Variants in LNP1 observed in about 807,000 individuals in gnomAD.
The protein encoded by LNP1 is leukemia NUP98 fusion partner 1.
Under a neutral mutation model 14.5 loss-of-function variants are expected in LNP1, and 12 were observed. The ratio of observed to expected loss-of-function variants is 0.83; its 90% CI spans 0.53 to 1.34. The LOEUF (loss-of-function observed/expected upper bound fraction) is 1.34. Among genes scored for constraint, LNP1 ranks in the 40% most tolerant of loss-of-function variants. The pLI, the probability that LNP1 is intolerant of heterozygous loss-of-function variation, is 0.00. For missense variants in LNP1, 198 were observed against 210.9 expected, an observed-to-expected ratio of 0.94 and a Z score of 0.38; for synonymous variants, 75 against 71.4, an observed-to-expected ratio of 1.05 and a Z score of -0.26.
At chr3:100,428,777 A>G (rs1310777667) in intron 1 of LNP1, among the ~76,000 whole-genome samples, 1 of 152,224 alleles carries the variant, frequency 6.6e-6, no homozygotes, top group Non-Finnish European at 1.5e-5. Context: ...TGTTGATGCA[A>G]TGCAATACTA....
At chr3:100,411,063 A>G (rs1707027295) in intron 1 of LNP1, among the ~76,000 whole-genome samples, 1 of 152,206 alleles carries the variant, frequency 6.6e-6, no homozygotes, top group Admixed American at 6.5e-5. Flanking sequence ...TGTGAGAATG[A>G]TACTACCACC....
chr3:100,451,314 G>T (rs114443200), intron 2 of LNP1, among the ~76,000 whole-genome samples: 160 of 152,292 alleles, frequency 1.1e-3, no homozygotes, highest in African/African-American at 3.4e-3. Flanking sequence ...ACATTGGTTC[G>T]ATTTGAAAAG....
intron 1 of LNP1, among the ~76,000 whole-genome samples, chr3:100,407,799 C>T (rs1192489428): frequency 6.6e-6 from 1 of 151,944 alleles, no homozygotes; most frequent in Non-Finnish European, 1.5e-5. Flanking sequence ...TTTTTCCTTT[C>T]TTCTCCTCTG....
intron 2 of LNP1, among the ~76,000 whole-genome samples, chr3:100,431,717 G>A (rs1361610979): frequency 6.6e-6 from 1 of 151,110 alleles, no homozygotes; most frequent in Non-Finnish European, 1.5e-5. Context: ...TTTTGGCGTG[G>A]TGCCATGGTT....
chr3:100,410,672 G>A (rs1707024052), intron 1 of LNP1, among the ~76,000 whole-genome samples: 1 of 152,146 alleles, frequency 6.6e-6, no homozygotes, highest in Non-Finnish European at 1.5e-5. Context: ...GAATAGAGAT[G>A]GGATTTTACC....
intron 3 of LNP1, among the ~76,000 whole-genome samples, chr3:100,454,933 G>A (rs565588150): frequency 3.9e-5 from 6 of 152,134 alleles, no homozygotes; most frequent in Non-Finnish European, 7.3e-5. Flanking sequence ...AAACAGGAGA[G>A]GAGTAATGAT....
intron 1 of LNP1, among the ~76,000 whole-genome samples, chr3:100,409,956 C>CATCTATCTATCTATCTATCTATCT (rs71625560): frequency 6.7e-6 from 1 of 149,406 alleles, no homozygotes; most frequent in African/African-American, 2.5e-5. Context: ...ACATAGCTTA[C>CATCTATCTATCTATCTATCTATCT]ATCTATCTAT....
chr3:100,414,404 G>T (rs568429735), intron 1 of LNP1, among the ~76,000 whole-genome samples: 59 of 152,138 alleles, frequency 3.9e-4, no homozygotes, highest in African/African-American at 1.3e-3. Context: ...AAAATTAGCT[G>T]GGCATGGTGG....
chr3:100,415,387 C>G (rs1707072809), intron 1 of LNP1, among the ~76,000 whole-genome samples: 1 of 152,134 alleles, frequency 6.6e-6, no homozygotes, highest in African/African-American at 2.4e-5. Context: ...TGAAAACATC[C>G]TTAATCTCAC....
Position 100,455,950 on chromosome 3 carries a change from T to G in LNP1, c.*24T>G, listed in dbSNP as rs1166832353. 3 of 1,589,536 alleles carry G rather than the reference T, an allele frequency of 1.9e-6. No individual in the cohort carries two copies. Among genetic ancestry groups the G allele is most frequent in the Non-Finnish European group, 2.6e-6 (3 of 1,171,522 alleles). Reference sequence around the variant, plus strand: ...AATACTCTGCTTCTGCCTCATGACATCAGATGCTACTGTTTTGGTTTTTTT... The same window carrying G: ...AATACTCTGCTTCTGCCTCATGACAGCAGATGCTACTGTTTTGGTTTTTTT... On this transcript the variant is annotated 3_prime_UTR_variant, in exon 4 of 4. Transcript: ENST00000383693.
chr3:100,456,131 A>T lies in LNP1; in HGVS notation c.*205A>T. The T allele has an allele frequency of 2.0e-6, 1 of 499,704 alleles. No individual in the cohort carries two copies. Among genetic ancestry groups the T allele is most frequent in the Non-Finnish European group, 3.6e-6 (1 of 280,362 alleles). The allele number at this position is 499,704 out of a possible 1,614,324, so 31.0% of individuals were successfully genotyped here. ...GCATCATACCCCAATTACTGCTGGC[A>T]TCTTAGTTGAGAGTATAATCTGCTT... On this transcript the variant is annotated 3_prime_UTR_variant, in exon 4 of 4. Coordinates refer to ENST00000383693, the MANE Select transcript of LNP1 (RefSeq NM_001085451.2).
chr3:100,412,839 T>A (rs1488937202), intron 1 of LNP1, among the ~76,000 whole-genome samples: 2 of 152,214 alleles, frequency 1.3e-5, no homozygotes, highest in African/African-American at 4.8e-5. Context: ...GTTCTAGTCA[T>A]CTTTGTACTC....
chr3:100,407,819 A>G (rs1034258625), intron 1 of LNP1, among the ~76,000 whole-genome samples: 5 of 151,822 alleles, frequency 3.3e-5, no homozygotes, highest in Admixed American at 2.6e-4. Context: ...GTATATTTTC[A>G]TATAACCTGT....
intron 2 of LNP1, among the ~76,000 whole-genome samples, chr3:100,449,660 C>A (rs1003985000): frequency 5.9e-5 from 9 of 151,298 alleles, no homozygotes; most frequent in African/African-American, 2.2e-4. Context: ...AAAATCAAAC[C>A]AAAAAAAACA....
At chr3:100,441,619 G>A (rs137865406) in intron 2 of LNP1, among the ~76,000 whole-genome samples, 15 of 139,778 alleles carry the variant, frequency 1.1e-4, no homozygotes, top group African/African-American at 2.4e-4. Context: ...CTTTTGATAC[G>A]CATTAGCTTT....
chr3:100,411,086 G>A (rs565574162), intron 1 of LNP1, among the ~76,000 whole-genome samples: 7 of 152,268 alleles, frequency 4.6e-5, no homozygotes, highest in African/African-American at 1.7e-4. Context: ...AGAGGGCCTG[G>A]GGGGCAGAGA....
chr3:100,412,544 C>A (rs1176221366), intron 1 of LNP1, among the ~76,000 whole-genome samples: 2 of 152,222 alleles, frequency 1.3e-5, no homozygotes, highest in Non-Finnish European at 2.9e-5. Context: ...TCAAAATTTA[C>A]TACTTTTCTG....
At chr3:100,408,683 T>TG (rs764421750) in intron 1 of LNP1, among the ~76,000 whole-genome samples, 4 of 152,202 alleles carry the variant, frequency 2.6e-5, no homozygotes, top group South Asian at 2.1e-4. Flanking sequence ...TCATGGGTCA[T>TG]GGGGGGGTCT....
chr3:100,416,936 T>C (rs1391865993), intron 1 of LNP1, among the ~76,000 whole-genome samples: 1 of 152,118 alleles, frequency 6.6e-6, no homozygotes, highest in African/African-American at 2.4e-5. Flanking sequence ...TGAGTTCATC[T>C]TGACCTGTCC....
Sources: gnomAD v4.1 joint callset for allele counts (sites outside exome capture counted in the v4.1 genomes callset) on GRCh38, gnomAD v4.1.1 for gene constraint, MANE v1.5 for transcripts, NCBI Gene and HGNC (gene_info 2026-07-23, HGNC 2026-07-21) for gene names.